PTPRE: variants seen among roughly 807,000 people sequenced by gnomAD.
PTPRE encodes protein tyrosine phosphatase receptor type E.
PTPRE carries 51 observed loss-of-function variants against 102.0 expected under a neutral mutation model. The observed-to-expected ratio is 0.50, with a 90% CI of 0.40 to 0.63. PTPRE has a LOEUF of 0.63. PTPRE is among the 30% of genes least tolerant of loss of function. PTPRE has a pLI of 0.00. For missense variants in PTPRE, 752 were observed against 915.1 expected (o/e 0.82, Z 2.30); for synonymous variants, 345 against 348.2 (o/e 0.99, Z 0.10).
intron 1 of PTPRE, among the ~76,000 whole-genome samples, chr10:127,939,524 C>G (rs1432366379): frequency 6.6e-6 from 1 of 152,064 alleles, no homozygotes; most frequent in Non-Finnish European, 1.5e-5. Flanking sequence ...ATCTGAAGGG[C>G]CAGTTTGGTG....
intron 1 of PTPRE, among the ~76,000 whole-genome samples, chr10:127,943,831 C>G (rs1267759351): frequency 6.6e-6 from 1 of 152,186 alleles, no homozygotes. Context: ...GCCTGTTCCT[C>G]ACGAGCTGGA....
intron 2 of PTPRE, among the ~76,000 whole-genome samples, chr10:128,000,530 T>C (rs1002952743): frequency 2.0e-5 from 3 of 152,328 alleles, no homozygotes; most frequent in African/African-American, 4.8e-5. Flanking sequence ...AGTGAATGAA[T>C]AGCCCAAGTT....
chr10:128,008,742 G>T lies in PTPRE; in HGVS notation c.-8+26446G>T, dbSNP rs1431606661. 6.6e-6 allele frequency among the ~76,000 whole-genome samples: 1 copy of T among 152,216 alleles called. No homozygotes were observed. Among genetic ancestry groups the T allele is most frequent in the Admixed American group, 6.5e-5 (1 of 15,286 alleles). ...CAGGATCAGGGGCACAGAGCTGCCAGCCCTTTCTCAGAAGCACATCAGCTG... is the reference window on the plus strand; with the variant it reads ...CAGGATCAGGGGCACAGAGCTGCCATCCCTTTCTCAGAAGCACATCAGCTG... On this transcript the variant is annotated intron_variant, in intron 2 of 20. Coordinates refer to ENST00000254667, the MANE Select transcript of PTPRE (RefSeq NM_006504.6). The surrounding 1 kb of genome is among the most constrained non-coding windows in gnomAD (Gnocchi z 4.0).
chr10:128,061,583 T>C, intron 8 of PTPRE, 96 bp from the exon 9 acceptor site: 2 of 1,436,658 alleles, frequency 1.4e-6, no homozygotes, highest in Non-Finnish European at 9.2e-7. Context: ...AAATTTTCCA[T>C]GGTGAATATG....
intron 3 of PTPRE, 54 bp from the exon 4 acceptor site, chr10:128,047,334 CTT>C: frequency 1.3e-6 from 2 of 1,583,058 alleles, no homozygotes; most frequent in Non-Finnish European, 1.7e-6. Context: ...GAGGGAGACT[CTT>C]TTGCAAACTG....
chr10:127,919,958 A>G (rs1419284371), intron 1 of PTPRE, among the ~76,000 whole-genome samples: 2 of 151,954 alleles, frequency 1.3e-5, no homozygotes, highest in Non-Finnish European at 2.9e-5. Flanking sequence ...GTAATTTGTA[A>G]ATGCTTTATG....
At chr10:128,038,186 A>G (rs371836841) in intron 2 of PTPRE, among the ~76,000 whole-genome samples, 2 of 152,148 alleles carry the variant, frequency 1.3e-5, no homozygotes, top group East Asian at 3.9e-4. Context: ...GCCCACTGAG[A>G]GTGAATGGCC....
intron 1 of PTPRE, among the ~76,000 whole-genome samples, chr10:127,946,178 G>A (rs1848604435): frequency 6.6e-6 from 1 of 152,182 alleles, no homozygotes; most frequent in African/African-American, 2.4e-5. Flanking sequence ...AGCAAGGGGT[G>A]CAGGCTGCAT....
chr10:127,951,911 G>A (rs1016654689), intron 1 of PTPRE, among the ~76,000 whole-genome samples: 6 of 152,198 alleles, frequency 3.9e-5, no homozygotes, highest in Admixed American at 1.3e-4. Context: ...AAGTGGTGAC[G>A]CCAATTGCAG....
intron 2 of PTPRE, among the ~76,000 whole-genome samples, chr10:127,988,293 T>A (rs1020951584): frequency 7.0e-6 from 1 of 141,928 alleles, no homozygotes; most frequent in East Asian, 2.1e-4. Flanking sequence ...TGCAGTGACT[T>A]TTTTTCTTTT....
chr10:128,001,495 C>T (rs769998604), intron 2 of PTPRE, among the ~76,000 whole-genome samples: 3 of 152,172 alleles, frequency 2.0e-5, no homozygotes, highest in South Asian at 2.1e-4. Context: ...CTTCCACCCC[C>T]GGAATTGCTT....
At chr10:128,073,561 C>T in intron 17 of PTPRE, 90 bp downstream of exon 17, 1 of 1,470,634 alleles carries the variant, frequency 6.8e-7, no homozygotes. Context: ...CACCTGCCAT[C>T]ACTGCAAACA....
intron 1 of PTPRE, among the ~76,000 whole-genome samples, chr10:127,950,746 C>G (rs552052984): frequency 6.6e-6 from 1 of 152,262 alleles, no homozygotes; most frequent in South Asian, 2.1e-4. Flanking sequence ...AAGCAACAAT[C>G]AAAATGGTCT....
intron 1 of PTPRE, among the ~76,000 whole-genome samples, chr10:127,955,393 A>G (rs1338519660): frequency 6.6e-6 from 1 of 152,230 alleles, no homozygotes; most frequent in East Asian, 1.9e-4. Context: ...CAGAATGGGT[A>G]GTAGAAGACG....
chr10:127,922,420 G>A (rs965589910), intron 1 of PTPRE, among the ~76,000 whole-genome samples: 9 of 152,218 alleles, frequency 5.9e-5, no homozygotes, highest in South Asian at 2.1e-4. Flanking sequence ...TGGAGACTCC[G>A]TGGGGCAAGG....
chr10:128,060,991 C>T lies in PTPRE; in HGVS notation c.564C>T (p.Asp188=). 2 of 1,614,184 alleles carry T rather than the reference C, an allele frequency of 1.2e-6. No homozygotes were observed. Among genetic ancestry groups the T allele is most frequent in the Non-Finnish European group, 1.7e-6 (2 of 1,180,012 alleles). ...LSQLDGIPCS[D]YINASYIDGY... ...AACTGGATGGAATTCCCTGTTCAGACTACATCAATGCTTCCTACATAGATG... is the reference window on the plus strand; with the variant it reads ...AACTGGATGGAATTCCCTGTTCAGATTACATCAATGCTTCCTACATAGATG... The change falls in exon 8 of 21, where the codon GAC becomes GAT. Residue 188 remains aspartate (D), a synonymous_variant. Coordinates refer to ENST00000254667, the MANE Select transcript of PTPRE (RefSeq NM_006504.6).
At chr10:128,035,877 G>A (rs551405836) in intron 2 of PTPRE, among the ~76,000 whole-genome samples, 1 of 152,300 alleles carries the variant, frequency 6.6e-6, no homozygotes, top group Non-Finnish European at 1.5e-5. Context: ...GTCAGGGACT[G>A]GGAAACGGGG....
chr10:128,074,740 G>A (rs1851082957), intron 17 of PTPRE, among the ~76,000 whole-genome samples: 2 of 152,062 alleles, frequency 1.3e-5, no homozygotes, highest in African/African-American at 4.8e-5. Context: ...CTTCCCTTGG[G>A]TATACGCCTA....
intron 2 of PTPRE, among the ~76,000 whole-genome samples, chr10:128,029,937 G>A (rs759061613): frequency 5.3e-5 from 8 of 152,206 alleles, no homozygotes; most frequent in Non-Finnish European, 1.0e-4. Context: ...TGCTCTTCTG[G>A]GGGCGGGGAC....
Sources: gnomAD v4.1 joint callset for allele counts (sites outside exome capture counted in the v4.1 genomes callset) on GRCh38, gnomAD v4.1.1 for gene constraint, Gnocchi (gnomAD v3.1) non-coding constraint, MANE v1.5 for transcripts, NCBI Gene and HGNC (gene_info 2026-07-23, HGNC 2026-07-21) for gene names.